Variants in TNPO1 observed in about 807,000 individuals in gnomAD.
TNPO1 encodes transportin-1.
TNPO1 carries 8 observed loss-of-function variants against 119.5 expected under a neutral mutation model. That is an observed-to-expected ratio of 0.07 (90% CI 0.04 to 0.12). TNPO1 has a LOEUF of 0.12. Among genes scored for constraint, TNPO1 ranks in the 10% least tolerant of loss-of-function variants. The probability of loss-of-function intolerance (pLI) is 1.00; values close to 1 mark genes in which losing one functional copy is unlikely to be tolerated. For missense variants in TNPO1, 576 were observed against 1,089.8 expected, an observed-to-expected ratio of 0.53 and a Z score of 6.64; for synonymous variants, 362 against 363.0, an observed-to-expected ratio of 1.00 and a Z score of 0.03.
chr5:72,863,622 A>G (rs1448379463), intron 5 of TNPO1, among the ~76,000 whole-genome samples: 1 of 151,728 alleles, frequency 6.6e-6, no homozygotes, highest in Non-Finnish European at 1.5e-5. Context: ...TTAGCCAGGC[A>G]TGGTGTCGAA....
intron 1 of TNPO1, chr5:72,848,133 T>G: frequency 8.4e-7 from 1 of 1,195,566 alleles, no homozygotes; most frequent in Non-Finnish European, 1.0e-6. Context: ...CTCAGTCTGG[T>G]CGGCTCCTTG....
intron 6 of TNPO1, among the ~76,000 whole-genome samples, chr5:72,868,158 C>T (rs1054259500): frequency 2.0e-5 from 3 of 152,008 alleles, no homozygotes; most frequent in South Asian, 2.1e-4. Flanking sequence ...TATGGCCGGG[C>T]GCGGTGGCTC....
intron 18 of TNPO1, among the ~76,000 whole-genome samples, chr5:72,894,045 C>T (rs1749245683): frequency 6.6e-6 from 1 of 152,172 alleles, no homozygotes; most frequent in Admixed American, 6.5e-5. Context: ...GGTAGAGGTA[C>T]ACAGAAATAG....
At chr5:72,837,894 G>C (rs1284408211) in intron 1 of TNPO1, among the ~76,000 whole-genome samples, 1 of 152,184 alleles carries the variant, frequency 6.6e-6, no homozygotes, top group Admixed American at 6.5e-5. Context: ...GCCAATGAGT[G>C]TATGACTCCA....
chr5:72,893,590 G>T lies in TNPO1; in HGVS notation c.2056-26G>T, dbSNP rs938829807. On this transcript the variant is annotated intron_variant, in intron 17 of 24. Transcript: ENST00000337273. Reference sequence around the variant, plus strand: ...AGCCTGTTTCTCTGTGTCACATTGGGGTTAATTTCTTCTTATTTCTTGTAG... The same window carrying T: ...AGCCTGTTTCTCTGTGTCACATTGGTGTTAATTTCTTCTTATTTCTTGTAG... The T allele has an allele frequency of 7.4e-6, 12 of 1,614,070 alleles. No individual in the cohort carries two copies. The East Asian group carries it at 2.7e-4, about 36-fold the overall frequency.
chr5:72,908,624 C>T (rs1750342352), intron 24 of TNPO1, 85 bp from the exon 25 acceptor site: 1 of 156,894 alleles, frequency 6.4e-6, no homozygotes. Context: ...AGATAGCATT[C>T]TTATTTGATT....
At chr5:72,817,494 T>C (rs1743752519) in intron 1 of TNPO1, among the ~76,000 whole-genome samples, 1 of 152,226 alleles carries the variant, frequency 6.6e-6, no homozygotes. Flanking sequence ...GCTTACTGAT[T>C]TTAAAAATCA....
chr5:72,886,270 C>T lies in TNPO1; in HGVS notation c.1151-800C>T, dbSNP rs183100029. Among the ~76,000 whole-genome samples, 64 of 152,148 alleles carry T rather than the reference C, an allele frequency of 4.2e-4. 2 individuals are homozygous for T. Among genetic ancestry groups the T allele is most frequent in the Admixed American group, 1.2e-3 (19 of 15,292 alleles). ...TTTGTAAAGAGTATTTTCTAGCATG[C>T]GTTATGTTTCATGTGCCAGTGACTT... On this transcript the variant is annotated intron_variant, in intron 11 of 24. Coordinates refer to ENST00000337273, the MANE Select transcript of TNPO1 (RefSeq NM_002270.4).
In TNPO1 at chr5:72,897,174, C is replaced by A. The variant is rs781039856; in HGVS notation, c.2338+23C>A. ...CAGGTACCATATGACTGAACTGTTT[C>A]AGTGAAGAGAAAATTTGTTGCCTTT... is the stretch of plus-strand genomic sequence containing the variant. On this transcript the variant is annotated intron_variant, in intron 20 of 24. Transcript: ENST00000337273. 3.9e-6 allele frequency: 6 copies of A among 1,535,776 alleles called. No individual in the cohort carries two copies. In the South Asian group the frequency reaches 7.2e-5, roughly 18 times the overall value.
intron 6 of TNPO1, among the ~76,000 whole-genome samples, chr5:72,866,974 A>T (rs1370720730): frequency 6.6e-6 from 1 of 152,084 alleles, no homozygotes; most frequent in African/African-American, 2.4e-5. Context: ...CAGGAGTTAG[A>T]GACCAGCCTA....
chr5:72,882,406 A>T lies in TNPO1; in HGVS notation c.921-61A>T. The T allele has an allele frequency of 3.1e-6, 4 of 1,282,632 alleles. No individual in the cohort carries two copies. In the South Asian group the frequency reaches 3.9e-5, roughly 12 times the overall value. The allele number at this position is 1,282,632 out of a possible 1,614,324, so 79.5% of individuals were successfully genotyped here. A position where few individuals can be genotyped will look rare whatever the true frequency, so the allele number is the denominator to read the frequency against. ...TTTTATTAGTACATGTAAGGTTAAGACTTATTAATTATTCTCTTGAGATCT... is the reference window on the plus strand; with the variant it reads ...TTTTATTAGTACATGTAAGGTTAAGTCTTATTAATTATTCTCTTGAGATCT... On this transcript the variant is annotated intron_variant, in intron 9 of 24. Coordinates refer to ENST00000337273, the MANE Select transcript of TNPO1 (RefSeq NM_002270.4).
At chr5:72,876,178 G>A (rs1194674606) in intron 8 of TNPO1, among the ~76,000 whole-genome samples, 2 of 152,202 alleles carry the variant, frequency 1.3e-5, no homozygotes, top group Non-Finnish European at 2.9e-5. Flanking sequence ...TCAGTTGCTT[G>A]GTCACAGCTG....
At chr5:72,848,732 A>G (rs1745297790) in intron 2 of TNPO1, among the ~76,000 whole-genome samples, 1 of 146,062 alleles carries the variant, frequency 6.8e-6, no homozygotes. Context: ...TCACGCCGCC[A>G]AGGCCACCGG....
chr5:72,836,212 C>T (rs1744686271), intron 1 of TNPO1, among the ~76,000 whole-genome samples: 1 of 152,218 alleles, frequency 6.6e-6, no homozygotes, highest in South Asian at 2.1e-4. Context: ...TACCACAGCT[C>T]CACTAGGCGT....
At chr5:72,892,239 A>G (rs1354981368) in intron 15 of TNPO1, among the ~76,000 whole-genome samples, 1 of 152,042 alleles carries the variant, frequency 6.6e-6, no homozygotes, top group African/African-American at 2.4e-5. Flanking sequence ...GTAAGGAGGT[A>G]CTTATTTTCA....
intron 4 of TNPO1, 114 bp from the exon 5 acceptor site, chr5:72,861,694 T>C: frequency 1.4e-6 from 1 of 732,332 alleles, no homozygotes; most frequent in Non-Finnish European, 2.3e-6. Context: ...TGAGCCACCA[T>C]GCCTGGCCAA....
At chr5:72,887,317 A>C in intron 12 of TNPO1, 95 bp downstream of exon 12, 1 of 1,347,514 alleles carries the variant, frequency 7.4e-7, no homozygotes, top group Admixed American at 2.2e-5. Flanking sequence ...TCTATTTTGA[A>C]CCAGATAACT....
intron 6 of TNPO1, among the ~76,000 whole-genome samples, chr5:72,872,344 T>A (rs1002456144): frequency 1.3e-5 from 2 of 151,938 alleles, no homozygotes; most frequent in African/African-American, 2.4e-5. Flanking sequence ...AAAAAAAAAA[T>A]TTTGCCCCTC....
At chr5:72,857,351 G>A (rs1206617294) in intron 4 of TNPO1, among the ~76,000 whole-genome samples, 1 of 151,912 alleles carries the variant, frequency 6.6e-6, no homozygotes, top group African/African-American at 2.4e-5. Flanking sequence ...TTGTCTTGTG[G>A]GTTTGAAAAA....
Sources: gnomAD v4.1 joint callset for allele counts (sites outside exome capture counted in the v4.1 genomes callset) on GRCh38, gnomAD v4.1.1 for gene constraint, MANE v1.5 for transcripts, NCBI Gene and HGNC (gene_info 2026-07-23, HGNC 2026-07-21) for gene names.